Variants in KATNIP observed in about 807,000 individuals in gnomAD.
The protein encoded by KATNIP is katanin-interacting protein.
KATNIP carries 126 observed loss-of-function variants against 174.0 expected under a neutral mutation model. The ratio of observed to expected loss-of-function variants is 0.72; its 90% CI spans 0.63 to 0.84. The LOEUF (loss-of-function observed/expected upper bound fraction) is 0.84, where lower values mean the gene tolerates loss of function less well. Ranked by LOEUF, KATNIP falls within the 40% of genes least tolerant of loss-of-function variation. KATNIP has a pLI of 0.00. For missense variants in KATNIP, 1,958 were observed against 2,109.7 expected (o/e 0.93, Z 1.41); for synonymous variants, 810 against 835.7 (o/e 0.97, Z 0.53).
intron 20 of KATNIP, among the ~76,000 whole-genome samples, chr16:27,768,806 A>C (rs566399505): frequency 1.3e-5 from 2 of 152,350 alleles, no homozygotes; most frequent in East Asian, 3.9e-4. Flanking sequence ...CCCCAGGGGC[A>C]CATGAGAGCC....
intron 14 of KATNIP, among the ~76,000 whole-genome samples, chr16:27,736,254 C>T (rs1304390415): frequency 1.3e-5 from 2 of 152,176 alleles, no homozygotes; most frequent in African/African-American, 2.4e-5. Context: ...CCATCCACCT[C>T]GGCCTACCAA....
intron 2 of KATNIP, among the ~76,000 whole-genome samples, chr16:27,578,901 T>C (rs781293071): frequency 1.3e-5 from 2 of 152,114 alleles, no homozygotes; most frequent in Admixed American, 6.6e-5. Context: ...TTCTGAAAAA[T>C]GTAGCTTTGA....
chr16:27,702,450 G>T (rs1015768782), intron 11 of KATNIP, among the ~76,000 whole-genome samples: 2 of 152,216 alleles, frequency 1.3e-5, no homozygotes, highest in African/African-American at 4.8e-5. Flanking sequence ...AGACAAAATA[G>T]ATCTTCAGAA....
intron 24 of KATNIP, 31 bp downstream of exon 24, chr16:27,775,115 C>T (rs1247809445): frequency 1.2e-6 from 2 of 1,600,324 alleles, no homozygotes; most frequent in Non-Finnish European, 1.7e-6. Context: ...ACCGCAGCTC[C>T]TGGCCCTCAG....
chr16:27,590,052 C>T (rs1320175068), intron 2 of KATNIP, among the ~76,000 whole-genome samples: 1 of 151,738 alleles, frequency 6.6e-6, no homozygotes, highest in Non-Finnish European at 1.5e-5. Flanking sequence ...TTTATGTTTC[C>T]CAAGTTACCA....
intron 2 of KATNIP, among the ~76,000 whole-genome samples, chr16:27,600,854 C>G (rs2075500357): frequency 6.6e-6 from 1 of 151,952 alleles, no homozygotes; most frequent in Admixed American, 6.6e-5. Context: ...CTCAGCCTCC[C>G]GAGTACCTGG....
At chr16:27,651,635 C>T (rs1386884849) in intron 6 of KATNIP, among the ~76,000 whole-genome samples, 1 of 152,234 alleles carries the variant, frequency 6.6e-6, no homozygotes, top group Non-Finnish European at 1.5e-5. Flanking sequence ...CACAGACTGG[C>T]TTGCTGCAGA....
chr16:27,731,573 C>A (rs959663197), intron 14 of KATNIP, among the ~76,000 whole-genome samples: 1 of 152,038 alleles, frequency 6.6e-6, no homozygotes, highest in Non-Finnish European at 1.5e-5. Context: ...GATCACATGA[C>A]TACCAGGCAG....
intron 2 of KATNIP, chr16:27,574,310 G>A (rs1255085175): frequency 1.7e-5 from 5 of 293,794 alleles, no homozygotes; most frequent in South Asian, 1.4e-4. Context: ...ACCAGGCTCC[G>A]CATGGTGCTC....
chr16:27,650,500 C>G (rs2077090139), intron 6 of KATNIP, among the ~76,000 whole-genome samples: 1 of 152,186 alleles, frequency 6.6e-6, no homozygotes, highest in Non-Finnish European at 1.5e-5. Flanking sequence ...CAGACCCTGC[C>G]CCGCTTGCCA....
chr16:27,590,352 A>G (rs1177795213), intron 2 of KATNIP, among the ~76,000 whole-genome samples: 1 of 114,236 alleles, frequency 8.8e-6, no homozygotes, highest in East Asian at 2.4e-4. Flanking sequence ...TTTTTTTTTT[A>G]TTTATAGAGA....
chr16:27,551,504 CTTTG>C (rs1234858576), intron 1 of KATNIP, among the ~76,000 whole-genome samples: 1 of 152,154 alleles, frequency 6.6e-6, no homozygotes, highest in Admixed American at 6.5e-5. Flanking sequence ...CCTCAAAGAG[CTTTG>C]TTTATTTATA....
At chr16:27,656,408 A>T (rs542864776) in intron 6 of KATNIP, among the ~76,000 whole-genome samples, 3 of 140,546 alleles carry the variant, frequency 2.1e-5, no homozygotes, top group African/African-American at 8.2e-5. Flanking sequence ...ACAGAGTGAG[A>T]CTCTGTCTCA....
intron 10 of KATNIP, among the ~76,000 whole-genome samples, chr16:27,700,056 G>A (rs1348611177): frequency 1.3e-5 from 2 of 151,844 alleles, no homozygotes; most frequent in African/African-American, 4.8e-5. Context: ...GATTACAGGC[G>A]CACAGCCACC....
intron 10 of KATNIP, among the ~76,000 whole-genome samples, chr16:27,700,291 T>G (rs1319517600): frequency 6.6e-6 from 1 of 152,178 alleles, no homozygotes; most frequent in Non-Finnish European, 1.5e-5. Context: ...TCTGTATCTA[T>G]CTAGGTCAAT....
At chr16:27,695,654 G>A (rs1002442461) in intron 8 of KATNIP, among the ~76,000 whole-genome samples, 1 of 152,226 alleles carries the variant, frequency 6.6e-6, no homozygotes, top group African/African-American at 2.4e-5. Context: ...GGTCACTGCT[G>A]TGTCGCCAGT....
At chr16:27,717,706 G>T (rs1248095078) in intron 13 of KATNIP, among the ~76,000 whole-genome samples, 1 of 152,152 alleles carries the variant, frequency 6.6e-6, no homozygotes, top group Non-Finnish European at 1.5e-5. Context: ...TTCAGGGCAT[G>T]CTGACTGCTT....
intron 6 of KATNIP, among the ~76,000 whole-genome samples, chr16:27,654,073 T>A (rs1332930239): frequency 6.6e-6 from 1 of 152,192 alleles, no homozygotes. Flanking sequence ...CCTCCTGGGT[T>A]CAAGCAGTTC....
intron 6 of KATNIP, among the ~76,000 whole-genome samples, chr16:27,662,071 T>TATATATATATATAC (rs1403398316): frequency 1.7e-5 from 1 of 57,198 alleles, no homozygotes; most frequent in Non-Finnish European, 3.4e-5. Context: ...TATATATATA[T>TATATATATATATAC]ACACACATAT....
Sources: gnomAD v4.1 joint callset for allele counts (sites outside exome capture counted in the v4.1 genomes callset) on GRCh38, gnomAD v4.1.1 for gene constraint, MANE v1.5 for transcripts, NCBI Gene and HGNC (gene_info 2026-07-23, HGNC 2026-07-21) for gene names.